Variants in DIDO1 observed in about 807,000 individuals in gnomAD.
The protein encoded by DIDO1 is death inducer-obliterator 1, also known as death-inducer obliterator 1.
DIDO1 carries 16 observed loss-of-function variants against 99.4 expected under a neutral mutation model. That is an observed-to-expected ratio of 0.16 (90% CI 0.11 to 0.24). The LOEUF (loss-of-function observed/expected upper bound fraction) is 0.24, where lower values mean the gene tolerates loss of function less well. Among genes scored for constraint, DIDO1 ranks in the 10% least tolerant of loss-of-function variants. DIDO1 has a pLI of 1.00. For missense variants in DIDO1, 2,996 were observed against 3,014.0 expected (o/e 0.99, Z 0.14); for synonymous variants, 1,366 against 1,239.1 (o/e 1.10, Z -2.15).
chr20:62,879,336 C>T lies in DIDO1; in HGVS notation c.6620G>A (p.Arg2207Gln). Residue 2207 changes from arginine (R) to glutamine (Q), a missense_variant, in exon 16 of 16, where the codon CGG becomes CAG. Coordinates refer to ENST00000395343, the MANE Select transcript of DIDO1 (RefSeq NM_001193369.2). This position sits in a 1 kb window ranked among gnomAD's most constrained non-coding sequence, Gnocchi z 6.3. ...RDRDKARDRERGRDRKDRSKS... is the reference protein window; with the variant it reads ...RDRDKARDREQGRDRKDRSKS... Reference sequence around the variant, plus strand: ...GCTCCGGTCCTTGCGGTCGCGGCCCCGCTCCCTGTCCCTGGCCTTGTCTCG... The same window carrying T: ...GCTCCGGTCCTTGCGGTCGCGGCCCTGCTCCCTGTCCCTGGCCTTGTCTCG... The T allele has an allele frequency of 5.1e-6, 8 of 1,555,922 alleles. No individual in the cohort carries two copies. Among genetic ancestry groups the T allele is most frequent in the Non-Finnish European group, 6.9e-6 (8 of 1,152,280 alleles).
At position 62,882,276 on chromosome 20, in the gene DIDO1, G is replaced by A. The variant is rs1458166266; in HGVS notation, c.3680C>T (p.Ala1227Val). 1.9e-6 allele frequency: 3 copies of A among 1,613,868 alleles called. No homozygotes were observed. Among genetic ancestry groups the A allele is most frequent in the South Asian group, 2.2e-5 (2 of 91,086 alleles). ...RLQPEEADVP[A>V]YPKVATVPQS... ...CGGGACTGTGGCTACTTTTGGATAG[G>A]CCGGAACGTCCGCTTCTTCCGGTTG... is the stretch of plus-strand genomic sequence containing the variant. The change falls in exon 16 of 16, where the codon GCC becomes GTC. Residue 1227 changes from alanine to valine, a missense_variant. Around this residue, in one of 5 missense-constraint regions of DIDO1, gnomAD observed 1,562 missense variants for 1,412.6 expected, o/e 1.11. Transcript: ENST00000395343.
In DIDO1 at chr20:62,911,043, C is replaced by A. The variant is rs2064924565; in HGVS notation, c.570G>T (p.Lys190Asn). The A allele has an allele frequency of 2.5e-6, 4 of 1,613,754 alleles. No homozygotes were observed. In the East Asian group the frequency reaches 6.7e-5, roughly 27 times the overall value. Residue 190 changes from lysine to asparagine, a missense_variant, in exon 3 of 16, where the codon AAG becomes AAT. Transcript: ENST00000395343. This position sits in a 1 kb window ranked among gnomAD's most constrained non-coding sequence, Gnocchi z 7.0. Reference sequence around the variant, plus strand: ...CGGCGGGACCCTCCTCCCGGCGCTTCTTCCGCAGGCGACTCTGGATCCCTT... The same window carrying A: ...CGGCGGGACCCTCCTCCCGGCGCTTATTCCGCAGGCGACTCTGGATCCCTT... ...PLKGIQSRLR[K>N]KRREEGPAET...
At chr20:62,887,969 T>C (rs2064324113) in intron 15 of DIDO1, 5 of 985,454 alleles carry the variant, frequency 5.1e-6, no homozygotes, top group Non-Finnish European at 6.0e-6. Context: ...ATCATTAAGA[T>C]ATGCAAGGAC....
rs201760843 is a variant in DIDO1, at chr20:62,896,726, G to A, written c.1859C>T (p.Ala620Val). ...GAACTTCTTGGAGGCAGCCGTTGCC[G>A]CTGCAGGTGCCGGTCCGGCCTGCCT... ...AARQAGPAPA[A>V]ATAASKKFPG... The change falls in exon 7 of 16, where the codon GCG (alanine) becomes GTG (valine). Residue 620 changes from alanine (A) to valine (V), a missense_variant. This residue lies in a region of DIDO1 where 898 missense variants were observed against 972.7 expected (regional missense o/e 0.92). Coordinates refer to ENST00000395343, the MANE Select transcript of DIDO1 (RefSeq NM_001193369.2). This position sits in a 1 kb window ranked among gnomAD's most constrained non-coding sequence, Gnocchi z 4.4. The A allele has an allele frequency of 2.0e-5, 33 of 1,613,618 alleles. No individual in the cohort carries two copies. The highest frequency in any genetic ancestry group is 8.9e-5 in the East Asian group (4 of 44,878).
rs991037740 is a variant in DIDO1, at chr20:62,881,182, C to G, written c.4774G>C (p.Glu1592Gln). The G allele has an allele frequency of 6.2e-7, 1 of 1,608,144 alleles. No homozygotes were observed. Among genetic ancestry groups the G allele is most frequent in the Non-Finnish European group, 8.5e-7 (1 of 1,179,452 alleles). Residue 1592 changes from glutamate to glutamine, a missense_variant, in exon 16 of 16, where the codon GAG becomes CAG. Coordinates refer to ENST00000395343, the MANE Select transcript of DIDO1 (RefSeq NM_001193369.2). This position sits in a 1 kb window ranked among gnomAD's most constrained non-coding sequence, Gnocchi z 8.3. ...SARGAQGALP[E>Q]RDASRGGLVG... ...AGGCCACCCCTGGAAGCATCTCTCT[C>G]GGGCAGGGCACCCTGGGCACCACGT...
In DIDO1 at chr20:62,880,806, C is replaced by A; in HGVS notation, c.5150G>T (p.Gly1717Val). The part of the protein sequence containing the change: ...HSAGRSSSPA[G>V]ETEGDREPQA... Reference sequence around the variant, plus strand: ...TGGCTCTCTGTCCCCCTCTGTTTCACCTGCAGGGCTGCTGCTCCTTCCAGC... The same window carrying A: ...TGGCTCTCTGTCCCCCTCTGTTTCAACTGCAGGGCTGCTGCTCCTTCCAGC... Residue 1717 changes from glycine to valine, a missense_variant, in exon 16 of 16, where the codon GGT (glycine) becomes GTT (valine). Around this residue, in one of 5 missense-constraint regions of DIDO1, gnomAD observed 1,562 missense variants for 1,412.6 expected, o/e 1.11. Transcript: ENST00000395343. The A allele has an allele frequency of 6.2e-7, 1 of 1,612,762 alleles. No homozygotes were observed. Among genetic ancestry groups the A allele is most frequent in the South Asian group, 1.1e-5 (1 of 91,076 alleles).
At position 62,879,078 on chromosome 20, in the gene DIDO1, GA is replaced by G; in HGVS notation, c.*154del. On this transcript the variant is annotated 3_prime_UTR_variant, in exon 16 of 16. Transcript: ENST00000395343. The surrounding 1 kb of genome is among the most constrained non-coding windows in gnomAD (Gnocchi z 6.3). Reference sequence around the variant, plus strand: ...AAAAGCATCAGAATTGTAAAGATGTGAAATCTTGTAAGAAACCATTTACACA... The same window carrying G: ...AAAAGCATCAGAATTGTAAAGATGTGAATCTTGTAAGAAACCATTTACACA... 2 of 618,824 alleles carry G rather than the reference GA, an allele frequency of 3.2e-6. No individual in the cohort carries two copies. Among genetic ancestry groups the G allele is most frequent in the Non-Finnish European group, 4.9e-6 (2 of 406,872 alleles). The allele number at this position is 618,824 out of a possible 1,614,324, so 38.3% of individuals were successfully genotyped here.
chr20:62,904,705 C>T (rs932315903), intron 6 of DIDO1, among the ~76,000 whole-genome samples: 4 of 139,920 alleles, frequency 2.9e-5, no homozygotes, highest in Non-Finnish European at 4.5e-5. Flanking sequence ...CATTTGAACC[C>T]GGAGGTGGAG....
At chr20:62,897,130 AG>A in intron 6 of DIDO1, 134 bp from the exon 7 acceptor site, 1 of 806,126 alleles carries the variant, frequency 1.2e-6, no homozygotes, top group Non-Finnish European at 1.9e-6. Flanking sequence ...CATAGAGAAA[AG>A]GATTTGTAAA....
intron 1 of DIDO1, among the ~76,000 whole-genome samples, chr20:62,932,056 C>T (rs11905041): frequency 0.28 from 43,318 of 152,086 alleles, 6,342 homozygotes; most frequent in Middle Eastern, 0.35. Context: ...GGTTTTTTCC[C>T]TTCAGGGAGG....
chr20:62,900,586 C>A (rs1353836409), intron 6 of DIDO1, among the ~76,000 whole-genome samples: 1 of 152,212 alleles, frequency 6.6e-6, no homozygotes, highest in Non-Finnish European at 1.5e-5. Context: ...ACCAAGTCTG[C>A]TCAGTTCTGG....
Position 62,907,037 on chromosome 20 carries a change from C to T in DIDO1, c.1374+110G>A, listed in dbSNP as rs186503844. 987 of 1,088,122 alleles carry T rather than the reference C, an allele frequency of 9.1e-4. 5 individuals carry two copies. In the Middle Eastern group the frequency reaches 0.015, roughly 16 times the overall value. 67.4% of individuals were successfully genotyped at this position (1,088,122 alleles called of 1,614,324 possible). A position where few individuals can be genotyped will look rare whatever the true frequency, so the allele number is the denominator to read the frequency against. ...AAAGGTCAAGGCGACACCACGTGTG[C>T]GCCCCCCTACACCTGCCACCCCCAC... On this transcript the variant is annotated intron_variant, in intron 5 of 15. Coordinates refer to ENST00000395343, the MANE Select transcript of DIDO1 (RefSeq NM_001193369.2).
At chr20:62,900,952 TACA>T (rs765354926) in intron 6 of DIDO1, among the ~76,000 whole-genome samples, 4 of 152,344 alleles carry the variant, frequency 2.6e-5, no homozygotes, top group South Asian at 2.1e-4. Context: ...GAGGCGTGTG[TACA>T]ACAATGCAGT....
At chr20:62,902,787 T>G (rs553201715) in intron 6 of DIDO1, among the ~76,000 whole-genome samples, 2 of 152,346 alleles carry the variant, frequency 1.3e-5, no homozygotes, top group South Asian at 4.1e-4. Context: ...ACTGGCAACG[T>G]TTTCCATTTT....
rs1377771705 is a variant in DIDO1, at chr20:62,881,168, G to A, written c.4788C>T (p.Ser1596=). ...AQGALPERDA[S]RGGLVGQAPM... ...GCGCCTGGCCCACGAGGCCACCCCT[G>A]GAAGCATCTCTCTCGGGCAGGGCAC... is the stretch of plus-strand genomic sequence containing the variant. The change falls in exon 16 of 16, where the codon TCC becomes TCT. Residue 1596 remains serine (S), a synonymous_variant. Coordinates refer to ENST00000395343, the MANE Select transcript of DIDO1 (RefSeq NM_001193369.2). This position sits in a 1 kb window ranked among gnomAD's most constrained non-coding sequence, Gnocchi z 8.3. 6 of 1,608,590 alleles carry A rather than the reference G, an allele frequency of 3.7e-6. No homozygotes were observed. The highest frequency in any genetic ancestry group is 5.1e-6 in the Non-Finnish European group (6 of 1,179,578).
chr20:62,890,910 GGGTGCA>G, intron 15 of DIDO1, 44 bp downstream of exon 15: 1 of 1,612,150 alleles, frequency 6.2e-7, no homozygotes, highest in Non-Finnish European at 8.5e-7. Flanking sequence ...GTGGGAGGAG[GGGTGCA>G]GGTGCAGGTG....
At position 62,891,132 on chromosome 20, in the gene DIDO1, G is replaced by T. The variant is rs1215094399; in HGVS notation, c.3369C>A (p.His1123Gln). The T allele has an allele frequency of 1.2e-6, 2 of 1,614,006 alleles. No homozygotes were observed. Among genetic ancestry groups the T allele is most frequent in the Non-Finnish European group, 1.7e-6 (2 of 1,180,052 alleles). ...VSKELCLIRF[H>Q]PATEEEEVAY... is the part of the protein sequence containing the mutation. ...CGACCTCCTCTTCCTCTGTGGCGGG[G>T]TGGAAGCGGATCAGACAGAGCTCCT... The change falls in exon 15 of 16, where the codon CAC becomes CAA. Residue 1123 changes from histidine to glutamine, a missense_variant. His to Gln is a conservative substitution (Grantham distance 24). Transcript: ENST00000395343.
rs765743542 is a variant in DIDO1 at position 62,893,986 on chromosome 20, C to A, written c.2781G>T (p.Thr927=). 2 of 1,613,956 alleles carry A rather than the reference C, an allele frequency of 1.2e-6. No homozygotes were observed. The highest frequency in any genetic ancestry group is 1.7e-5 in the Admixed American group (1 of 60,022). The change falls in exon 12 of 16, where the codon ACG becomes ACT. Residue 927 remains threonine (T), a synonymous_variant. Coordinates refer to ENST00000395343, the MANE Select transcript of DIDO1 (RefSeq NM_001193369.2). ...ESASHPNVDR[T]YFPGPPGDGH... ...CATCTCCTGGAGGCCCAGGGAAATA[C>A]GTTCTGTCCACATTTGGATGAGAAG...
At chr20:62,910,459 C>T (rs900836316) in intron 3 of DIDO1, among the ~76,000 whole-genome samples, 5 of 152,292 alleles carry the variant, frequency 3.3e-5, no homozygotes, top group South Asian at 2.1e-4. Context: ...AGACAGACCC[C>T]GGAGTGACGG....
Sources: allele counts gnomAD v4.1 joint callset (sites outside exome capture counted in the v4.1 genomes callset), GRCh38; gene constraint gnomAD v4.1.1; regional missense constraint gnomAD v4.1.1; non-coding constraint Gnocchi (gnomAD v3.1); transcripts MANE v1.5; gene names NCBI Gene and HGNC (gene_info 2026-07-23, HGNC 2026-07-21).